Variants in PHLPP1 observed in about 807,000 individuals in gnomAD.
The protein encoded by PHLPP1 is PH domain and leucine rich repeat protein phosphatase 1, also known as PH domain leucine-rich repeat-containing protein phosphatase 1.
A neutral mutation model predicts 117.2 loss-of-function variants in PHLPP1; 42 were observed. The observed-to-expected ratio is 0.36, with a 90% CI of 0.28 to 0.46. The LOEUF (loss-of-function observed/expected upper bound fraction) is 0.46, where lower values mean the gene tolerates loss of function less well. Ranked by LOEUF, PHLPP1 falls within the 20% of genes least tolerant of loss-of-function variation. The pLI, the probability that PHLPP1 is intolerant of heterozygous loss-of-function variation, is 1.00. For synonymous variants in PHLPP1, 1,042 were observed against 970.7 expected (o/e 1.07, Z -1.37); for missense variants, 2,084 against 2,241.9 (o/e 0.93, Z 1.42).
At chr18:62,880,744 T>G (rs1401291975) in intron 4 of PHLPP1, among the ~76,000 whole-genome samples, 1 of 152,238 alleles carries the variant, frequency 6.6e-6, no homozygotes, top group African/African-American at 2.4e-5. Flanking sequence ...TATTGCTAAT[T>G]TATTAAAGAA....
chr18:62,836,445 AAATAAATAAAT>A (rs1462592030), intron 2 of PHLPP1, among the ~76,000 whole-genome samples: 1 of 62,496 alleles, frequency 1.6e-5, no homozygotes, highest in African/African-American at 8.1e-5. Flanking sequence ...ATAAATAAAT[AAATAAATAAAT>A]AAATAAATAA....
intron 3 of PHLPP1, among the ~76,000 whole-genome samples, chr18:62,856,071 A>G (rs1398042878): frequency 6.6e-6 from 1 of 152,060 alleles, no homozygotes; most frequent in African/African-American, 2.4e-5. Flanking sequence ...CGAGTTTCCC[A>G]TTTTCAGATT....
chr18:62,956,751 TATG>T (rs1307208878), intron 12 of PHLPP1, among the ~76,000 whole-genome samples: 2 of 152,212 alleles, frequency 1.3e-5, no homozygotes, highest in Admixed American at 6.5e-5. Context: ...CATAATAAAA[TATG>T]ATTATTTAGA....
At chr18:62,804,708 C>T (rs1913887144) in intron 1 of PHLPP1, among the ~76,000 whole-genome samples, 1 of 151,476 alleles carries the variant, frequency 6.6e-6, no homozygotes, top group South Asian at 2.1e-4. Context: ...CCCCCCATCC[C>T]CCTCTTTTTT....
At chr18:62,950,412 A>G (rs1271033372) in intron 12 of PHLPP1, among the ~76,000 whole-genome samples, 1 of 152,236 alleles carries the variant, frequency 6.6e-6, no homozygotes, top group Non-Finnish European at 1.5e-5. Flanking sequence ...AGAAAACCAC[A>G]ATCCCATAGT....
In PHLPP1 at chr18:62,958,701, C is replaced by G. The variant is rs1910688903; in HGVS notation, c.3397C>G (p.Leu1133Val). Residue 1133 changes from leucine (L) to valine (V), a missense_variant, in exon 13 of 17, where the codon CTA (leucine) becomes GTA (valine). Physicochemically the swap from Leu to Val is conservative, Grantham distance 32. This residue lies in a region of PHLPP1 where 1,365 missense variants were observed against 1,605.9 expected (regional missense o/e 0.85). Coordinates refer to ENST00000262719, the MANE Select transcript of PHLPP1 (RefSeq NM_194449.4). ...AAACCTGCCTCCCAAACTGCAGGAG[C>G]TAGACCTGACTGGAAACCCGCGCCT... The part of the protein sequence containing the change: ...PENLPPKLQE[L>V]DLTGNPRLVL... 1.2e-6 allele frequency: 2 copies of G among 1,613,970 alleles called. No homozygotes were observed. Among genetic ancestry groups the G allele is most frequent in the East Asian group, 2.2e-5 (1 of 44,882 alleles).
At chr18:62,866,407 G>C (rs1915772931) in intron 4 of PHLPP1, among the ~76,000 whole-genome samples, 1 of 151,978 alleles carries the variant, frequency 6.6e-6, no homozygotes, top group Non-Finnish European at 1.5e-5. Flanking sequence ...ACCATGCCTG[G>C]CTAATTTTTG....
At chr18:62,898,646 T>G (rs767133550) in intron 6 of PHLPP1, among the ~76,000 whole-genome samples, 3 of 152,194 alleles carry the variant, frequency 2.0e-5, no homozygotes, top group Non-Finnish European at 2.9e-5. Flanking sequence ...AGTTAACTAT[T>G]TGCTACTTTT....
chr18:62,950,153 G>A (rs1910411307), intron 12 of PHLPP1, among the ~76,000 whole-genome samples: 1 of 152,140 alleles, frequency 6.6e-6, no homozygotes, highest in Admixed American at 6.5e-5. Flanking sequence ...CCATGTTCCT[G>A]TGGCTTACTG....
intron 13 of PHLPP1, among the ~76,000 whole-genome samples, chr18:62,961,847 A>G (rs1910779598): frequency 1.3e-5 from 2 of 152,220 alleles, no homozygotes; most frequent in African/African-American, 4.8e-5. Flanking sequence ...GTTTGCTAGT[A>G]ATTGAGAGTA....
intron 8 of PHLPP1, among the ~76,000 whole-genome samples, chr18:62,905,562 T>C (rs1318797113): frequency 1.3e-5 from 2 of 152,186 alleles, no homozygotes; most frequent in South Asian, 4.1e-4. Context: ...CTCTAATAAC[T>C]CTTTTCATTA....
At chr18:62,822,848 A>C (rs1356064470) in intron 1 of PHLPP1, among the ~76,000 whole-genome samples, 1 of 152,216 alleles carries the variant, frequency 6.6e-6, no homozygotes, top group African/African-American at 2.4e-5. Context: ...CAATAAATTG[A>C]CCTATATAAC....
At chr18:62,783,892 T>G (rs1913200865) in intron 1 of PHLPP1, among the ~76,000 whole-genome samples, 1 of 152,144 alleles carries the variant, frequency 6.6e-6, no homozygotes, top group Non-Finnish European at 1.5e-5. Flanking sequence ...ACAATTTTGG[T>G]CTGGTCTCTC....
chr18:62,950,025 G>A (rs908800408), intron 12 of PHLPP1, among the ~76,000 whole-genome samples: 1 of 152,194 alleles, frequency 6.6e-6, no homozygotes, highest in African/African-American at 2.4e-5. Context: ...GGAGCCAGGT[G>A]TTCTAACCCG....
intron 4 of PHLPP1, among the ~76,000 whole-genome samples, chr18:62,885,720 G>T (rs906425107): frequency 6.6e-6 from 1 of 152,148 alleles, no homozygotes; most frequent in Non-Finnish European, 1.5e-5. Flanking sequence ...TAGGGAAGTT[G>T]GATGCATGAA....
chr18:62,819,307 T>C (rs143234855), intron 1 of PHLPP1, among the ~76,000 whole-genome samples: 2,043 of 152,304 alleles, frequency 0.013, 24 homozygotes, highest in Middle Eastern at 0.02. Flanking sequence ...TGAAGTGGTA[T>C]AATATTACTT....
chr18:62,867,234 T>C (rs1915792629), intron 4 of PHLPP1, among the ~76,000 whole-genome samples: 1 of 152,156 alleles, frequency 6.6e-6, no homozygotes. Flanking sequence ...CCTTTCTCTT[T>C]CTAAATATTA....
In PHLPP1 at chr18:62,716,625, C is replaced by G; in HGVS notation, c.942C>G (p.Arg314=). The change falls in exon 1 of 17, where the codon CGC becomes CGG. Residue 314 remains arginine (R), a synonymous_variant. Transcript: ENST00000262719. The surrounding 1 kb of genome is among the most constrained non-coding windows in gnomAD (Gnocchi z 5.7). ...TCGGCGGCCCGGGCGGGTGGTCGCG[C>G]CGCGCCAGCCCAGCGCCCTCGGACT... is the stretch of plus-strand genomic sequence containing the variant. ...LPVGGPGGWS[R]RASPAPSDSS... is the part of the protein sequence containing the mutation. The G allele has an allele frequency of 7.5e-7, 1 of 1,326,638 alleles. No homozygotes were observed. The highest frequency in any genetic ancestry group is 9.6e-7 in the Non-Finnish European group (1 of 1,041,232). The allele number at this position is 1,326,638 out of a possible 1,614,324, so 82.2% of individuals were successfully genotyped here. A position where few individuals can be genotyped will look rare whatever the true frequency, so the allele number is the denominator to read the frequency against.
intron 4 of PHLPP1, among the ~76,000 whole-genome samples, chr18:62,870,192 G>T (rs1473662406): frequency 1.3e-5 from 2 of 152,026 alleles, no homozygotes; most frequent in Admixed American, 6.6e-5. Context: ...CACTGTGCCC[G>T]GCCACCAGTT....
Sources: gnomAD v4.1 joint callset for allele counts (sites outside exome capture counted in the v4.1 genomes callset) on GRCh38, gnomAD v4.1.1 for gene constraint, gnomAD v4.1.1 regional missense constraint, Gnocchi (gnomAD v3.1) non-coding constraint, MANE v1.5 for transcripts, NCBI Gene and HGNC (gene_info 2026-07-23, HGNC 2026-07-21) for gene names.